Variants in TNKS1BP1 observed in about 807,000 individuals in gnomAD.
The protein encoded by TNKS1BP1 is CCR4-NOT transcription complex subunit 12.
TNKS1BP1 carries 48 observed loss-of-function variants against 141.1 expected under a neutral mutation model. That is an observed-to-expected ratio of 0.34 (90% CI 0.27 to 0.43). The LOEUF (loss-of-function observed/expected upper bound fraction) is 0.43, where lower values mean the gene tolerates loss of function less well. Ranked by LOEUF, TNKS1BP1 falls within the 20% of genes least tolerant of loss-of-function variation. The pLI is 1.00. For synonymous variants in TNKS1BP1, 875 were observed against 898.2 expected, an observed-to-expected ratio of 0.97 and a Z score of 0.46; for missense variants, 2,149 against 2,226.0, an observed-to-expected ratio of 0.97 and a Z score of 0.70.
At chr11:57,306,911 G>GT (rs1219713270) in intron 6 of TNKS1BP1, among the ~76,000 whole-genome samples, 1 of 150,434 alleles carries the variant, frequency 6.6e-6, no homozygotes, top group African/African-American at 2.4e-5. Context: ...GGTGGGGGGG[G>GT]GGGTTGGGTG....
Position 57,302,871 on chromosome 11 carries a change from C to T in TNKS1BP1, c.4317-46G>A. On this transcript the variant is annotated intron_variant, in intron 6 of 11. Transcript: ENST00000358252. This position sits in a 1 kb window ranked among gnomAD's most constrained non-coding sequence, Gnocchi z 5.5. ...GAACGAGATCATCGTAAGGCCCCAT[C>T]TCCCTGCCCTGAAGCCTACTTCACA... 1 of 1,465,322 alleles carries T rather than the reference C, an allele frequency of 6.8e-7. No homozygotes were observed. The allele number at this position is 1,465,322 out of a possible 1,614,324, so 90.8% of individuals were successfully genotyped here. A position where few individuals can be genotyped will look rare whatever the true frequency, so the allele number is the denominator to read the frequency against.
In TNKS1BP1 at chr11:57,305,912, C is replaced by A. The variant is rs1327541366; in HGVS notation, c.4316+2483G>T. ...CCTGGCAGATGGACCCAGAGCCAGA[C>A]CCCTCTGAGCTATTCTCAAGGACTT... On this transcript the variant is annotated intron_variant, in intron 6 of 11. Coordinates refer to ENST00000358252, the MANE Select transcript of TNKS1BP1 (RefSeq NM_033396.3). Among the ~76,000 whole-genome samples the A allele has an allele frequency of 2.4e-4, 37 of 152,154 alleles. 1 individual carries two copies. The highest frequency in any genetic ancestry group is 2.4e-3 in the Admixed American group (36 of 15,276).
Position 57,307,747 on chromosome 11 carries a change from T to C in TNKS1BP1, c.4316+648A>G, listed in dbSNP as rs572528953. On this transcript the variant is annotated intron_variant, in intron 6 of 11. Coordinates refer to ENST00000358252, the MANE Select transcript of TNKS1BP1 (RefSeq NM_033396.3). The stretch of plus-strand genomic sequence containing the variant: ...TTCTCAGCTGCAAAACCATCTCAGC[T>C]GGTTTTAAAACATCCATGAAACAGA... 4.6e-5 allele frequency among the ~76,000 whole-genome samples: 7 copies of C among 152,350 alleles called. No homozygotes were observed. In the South Asian group the frequency reaches 8.3e-4, roughly 18 times the overall value.
At chr11:57,307,388 G>C (rs1256796493) in intron 6 of TNKS1BP1, among the ~76,000 whole-genome samples, 3 of 152,126 alleles carry the variant, frequency 2.0e-5, no homozygotes. Context: ...AGCCTGAGTC[G>C]TCAGGAAGCT....
At chr11:57,308,257 T>C in intron 6 of TNKS1BP1, 138 bp downstream of exon 6, 4 of 1,240,880 alleles carry the variant, frequency 3.2e-6, no homozygotes, top group Non-Finnish European at 4.4e-6. Flanking sequence ...TAAAAATTCT[T>C]AGTCCAAAAT....
At position 57,324,911 on chromosome 11, in the gene TNKS1BP1, A is replaced by ACCGCCGCCG. The variant is rs888381913; in HGVS notation, c.-146_-138dup. On this transcript the variant is annotated 5_prime_UTR_variant, in exon 1 of 12. Coordinates refer to ENST00000358252, the MANE Select transcript of TNKS1BP1 (RefSeq NM_033396.3). ...AGTCCCCGCCGCCGCCGCCGCTGCT[A>ACCGCCGCCG]CCGCCGCCGCCGCCGCCGTCACCGC... 7.1e-6 allele frequency: 7 copies of ACCGCCGCCG among 984,904 alleles called. No homozygotes were observed. The highest frequency in any genetic ancestry group is 4.5e-5 in the South Asian group (1 of 22,056). 61.0% of individuals were successfully genotyped at this position (984,904 alleles called of 1,614,324 possible). A position where few individuals can be genotyped will look rare whatever the true frequency, so the allele number is the denominator to read the frequency against.
In TNKS1BP1 at chr11:57,321,960, G is replaced by C; in HGVS notation, c.-65-10C>G. On this transcript the variant is annotated splice_polypyrimidine_tract_variant and intron_variant, in intron 1 of 11. Transcript: ENST00000358252. The stretch of plus-strand genomic sequence containing the variant: ...TGGGGTGGCTGCAGACCTAGGAAAA[G>C]AGAGAGAAGAGAAGGAAAAAAAGAG... 6.4e-7 allele frequency: 1 copy of C among 1,561,494 alleles called. No individual in the cohort carries two copies. The highest frequency in any genetic ancestry group is 8.7e-7 in the Non-Finnish European group (1 of 1,154,808).
chr11:57,307,574 C>G (rs1855632673), intron 6 of TNKS1BP1, among the ~76,000 whole-genome samples: 1 of 152,196 alleles, frequency 6.6e-6, no homozygotes, highest in Non-Finnish European at 1.5e-5. Flanking sequence ...CCCTGCCCCA[C>G]ACTTCCCTTG....
intron 1 of TNKS1BP1, among the ~76,000 whole-genome samples, chr11:57,324,593 T>C (rs899984977): frequency 4.6e-4 from 27 of 58,796 alleles, no homozygotes; most frequent in African/African-American, 1.7e-3. Flanking sequence ...CCTCCCCCCT[T>C]TCTTCTGGCT....
In TNKS1BP1 at chr11:57,317,907, G is replaced by C; in HGVS notation, c.729-20C>G. The C allele has an allele frequency of 6.2e-7, 1 of 1,611,774 alleles. No homozygotes were observed. The highest frequency in any genetic ancestry group is 8.5e-7 in the Non-Finnish European group (1 of 1,178,108). On this transcript the variant is annotated intron_variant, in intron 3 of 11. Coordinates refer to ENST00000358252, the MANE Select transcript of TNKS1BP1 (RefSeq NM_033396.3). Reference sequence around the variant, plus strand: ...AGGCTCCTGTGAGGGACGAGGACAGGAAATGGAAGCACGGAATGTTAGAGT... The same window carrying C: ...AGGCTCCTGTGAGGGACGAGGACAGCAAATGGAAGCACGGAATGTTAGAGT...
Position 57,302,974 on chromosome 11 carries a change from G to T in TNKS1BP1, c.4317-149C>A, listed in dbSNP as rs1221641887. The T allele has an allele frequency of 2.0e-6, 2 of 987,438 alleles. No homozygotes were observed. Among genetic ancestry groups the T allele is most frequent in the Non-Finnish European group, 2.8e-6 (2 of 707,800 alleles). 61.2% of individuals were successfully genotyped at this position (987,438 alleles called of 1,614,324 possible). ...TCCAGACTCCAAGGACACGGTCAGG[G>T]CCTTGAGCAACACAGCACACAGGTG... On this transcript the variant is annotated intron_variant, in intron 6 of 11. Transcript: ENST00000358252. This position sits in a 1 kb window ranked among gnomAD's most constrained non-coding sequence, Gnocchi z 5.5.
At chr11:57,300,492 C>T in intron 11 of TNKS1BP1, 36 bp downstream of exon 11, 2 of 1,608,740 alleles carry the variant, frequency 1.2e-6, no homozygotes, top group South Asian at 2.2e-5. Flanking sequence ...GCAGGCCCTC[C>T]TCAGACTGGA....
rs1224011966 is a variant in TNKS1BP1, at chr11:57,309,394, T to C, written c.3317A>G (p.Gln1106Arg). The C allele has an allele frequency of 3.7e-6, 6 of 1,614,072 alleles. No homozygotes were observed. Among genetic ancestry groups the C allele is most frequent in the Non-Finnish European group, 5.1e-6 (6 of 1,180,054 alleles). ...GCAGAAGTCCCGGCTCCAGTCCTGC[T>C]GCCCTGGGCTAAATGCTGCCTCTCG... is the stretch of plus-strand genomic sequence containing the variant. ...PQREAAFSPG[Q>R]QDWSRDFCIE... The change falls in exon 6 of 12, where the codon CAG (glutamine) becomes CGG (arginine). Residue 1106 changes from glutamine to arginine, a missense_variant. Gln to Arg is a conservative substitution (Grantham distance 43). Coordinates refer to ENST00000358252, the MANE Select transcript of TNKS1BP1 (RefSeq NM_033396.3). This position sits in a 1 kb window ranked among gnomAD's most constrained non-coding sequence, Gnocchi z 4.3.
chr11:57,313,976 C>G (rs754112915), intron 4 of TNKS1BP1, 87 bp from the exon 5 acceptor site: 10 of 1,334,642 alleles, frequency 7.5e-6, no homozygotes, highest in Non-Finnish European at 9.6e-6. Flanking sequence ...GACCCCAGGT[C>G]AGCTTCTCCC....
At chr11:57,322,264 C>T (rs1049259408) in intron 1 of TNKS1BP1, 6 of 1,038,140 alleles carry the variant, frequency 5.8e-6, no homozygotes, top group African/African-American at 5.1e-5. Context: ...TTGGGTAGGA[C>T]GGCCCCGCTG....
In TNKS1BP1 at chr11:57,310,504, C is replaced by T. The variant is rs1405222966; in HGVS notation, c.2207G>A (p.Gly736Glu). ...ACTGAAACTGCTGGGCTGTGGGTCT[C>T]CTGTGATCCCAAATTCACTCTGCAG... ...KDLQSEFGIT[G>E]DPQPSSFSPS... Residue 736 changes from glycine (G) to glutamate (E), a missense_variant, in exon 6 of 12, where the codon GGA becomes GAA. By Grantham distance (98) the Gly-to-Glu change is moderately conservative. Transcript: ENST00000358252. 1.2e-6 allele frequency: 2 copies of T among 1,609,602 alleles called. No homozygotes were observed. The highest frequency in any genetic ancestry group is 2.7e-5 in the African/African-American group (2 of 74,908).
chr11:57,307,785 T>C (rs1855635689), intron 6 of TNKS1BP1, among the ~76,000 whole-genome samples: 1 of 152,258 alleles, frequency 6.6e-6, no homozygotes, highest in African/African-American at 2.4e-5. Context: ...GTGCTTGCCT[T>C]GCAAAGCCTT....
chr11:57,300,746 TC>T, intron 10 of TNKS1BP1, 137 bp downstream of exon 10: 1 of 1,491,314 alleles, frequency 6.7e-7, no homozygotes, highest in Non-Finnish European at 9.2e-7. Context: ...GACACCATCT[TC>T]ATACCGTTCA....
rs147890394 is a variant in TNKS1BP1, at chr11:57,320,109, C to T, written c.698G>A (p.Arg233Gln). 1,382 of 1,614,076 alleles carry T rather than the reference C, an allele frequency of 8.6e-4. 12 individuals carry two copies. In the African/African-American group the frequency reaches 0.017, roughly 20 times the overall value. ...EGPVKSPAEC[R>Q]EEHSKTPEER... ...CTCAGGGGTCTTGCTGTGCTCTTCCCGGCACTCTGCTGGAGACTTTACTGG... is the reference window on the plus strand; with the variant it reads ...CTCAGGGGTCTTGCTGTGCTCTTCCTGGCACTCTGCTGGAGACTTTACTGG... Residue 233 changes from arginine to glutamine, a missense_variant, in exon 3 of 12, where the codon CGG becomes CAG. Arg to Gln is a conservative substitution (Grantham distance 43). Coordinates refer to ENST00000358252, the MANE Select transcript of TNKS1BP1 (RefSeq NM_033396.3).
Sources: gnomAD v4.1 joint callset for allele counts (sites outside exome capture counted in the v4.1 genomes callset) on GRCh38, gnomAD v4.1.1 for gene constraint, Gnocchi (gnomAD v3.1) non-coding constraint, MANE v1.5 for transcripts, NCBI Gene and HGNC (gene_info 2026-07-23, HGNC 2026-07-21) for gene names.